Variants in DPY19L4 observed in about 807,000 individuals in gnomAD.
DPY19L4 encodes dpy-19 like 4, also known as probable C-mannosyltransferase DPY19L4.
Under a neutral mutation model 102.8 loss-of-function variants are expected in DPY19L4, and 97 were observed. The ratio of observed to expected loss-of-function variants is 0.94; its 90% CI spans 0.80 to 1.12. The LOEUF (loss-of-function observed/expected upper bound fraction) is 1.12. Ranked by LOEUF, DPY19L4 falls within the 50% of genes most tolerant of loss-of-function variation. DPY19L4 has a pLI of 0.00. For missense variants in DPY19L4, 815 were observed against 850.4 expected, an observed-to-expected ratio of 0.96 and a Z score of 0.52; for synonymous variants, 252 against 283.1, an observed-to-expected ratio of 0.89 and a Z score of 1.10.
chr8:94,789,964 T>C lies in DPY19L4; in HGVS notation c.*54T>C. 3.2e-6 allele frequency: 5 copies of C among 1,539,352 alleles called. No homozygotes were observed. The highest frequency in any genetic ancestry group is 4.4e-6 in the Non-Finnish European group (5 of 1,138,054). ...TACCTGAAGTAAAATGCAGTTTTCTTCTACCTACTCGGTGTCTTTTGCAGA... is the reference window on the plus strand; with the variant it reads ...TACCTGAAGTAAAATGCAGTTTTCTCCTACCTACTCGGTGTCTTTTGCAGA... On this transcript the variant is annotated 3_prime_UTR_variant, in exon 19 of 19. Coordinates refer to ENST00000414645, the MANE Select transcript of DPY19L4 (RefSeq NM_181787.3).
chr8:94,738,054 T>C (rs936570826), intron 3 of DPY19L4, among the ~76,000 whole-genome samples: 1 of 150,652 alleles, frequency 6.6e-6, no homozygotes, highest in Non-Finnish European at 1.5e-5. Context: ...CGTGGTGGCT[T>C]ACGCCTGTAA....
At position 94,738,466 on chromosome 8, in the gene DPY19L4, TA is replaced by T; in HGVS notation, c.343+9del. 6.9e-7 allele frequency: 1 copy of T among 1,448,276 alleles called. No homozygotes were observed. Among genetic ancestry groups the T allele is most frequent in the South Asian group, 1.4e-5 (1 of 73,424 alleles). 89.7% of individuals were successfully genotyped at this position (1,448,276 alleles called of 1,614,324 possible). A position where few individuals can be genotyped will look rare whatever the true frequency, so the allele number is the denominator to read the frequency against. On this transcript the variant is annotated splice_region_variant and intron_variant, in intron 4 of 18. Transcript: ENST00000414645. Reference sequence around the variant, plus strand: ...GCACCTTCATTTGAAAGAGGTATGATAATCACAGTTATATTTTTAATAACAG... The same window carrying T: ...GCACCTTCATTTGAAAGAGGTATGATATCACAGTTATATTTTTAATAACAG...
rs982608154 is a variant in DPY19L4 at position 94,770,475 on chromosome 8, T to C, written c.1358T>C (p.Val453Ala). The C allele has an allele frequency of 1.4e-5, 22 of 1,613,168 alleles. No homozygotes were observed. The highest frequency in any genetic ancestry group is 1.9e-5 in the Non-Finnish European group (22 of 1,179,742). ...AGTGGTAAGTCCCTGAAGGAAACTG[T>C]TACTCTTGAAGATGGACGAATTGGA... ...RINGKSLKET[V>A]TLEDGRIGER... Residue 453 changes from valine (V) to alanine (A), a missense_variant, in exon 13 of 19, where the codon GTT becomes GCT. Coordinates refer to ENST00000414645, the MANE Select transcript of DPY19L4 (RefSeq NM_181787.3).
intron 18 of DPY19L4, among the ~76,000 whole-genome samples, 197 bp from the exon 19 acceptor site, chr8:94,789,549 A>G (rs938254793): frequency 1.3e-5 from 2 of 152,190 alleles, no homozygotes; most frequent in African/African-American, 4.8e-5. Flanking sequence ...CTCAGTGTCA[A>G]TGAGAAGTTC....
At position 94,768,172 on chromosome 8, in the gene DPY19L4, G is replaced by A. The variant is rs1005456662; in HGVS notation, c.1176-223G>A. Among the ~76,000 whole-genome samples the A allele has an allele frequency of 2.0e-5, 3 of 152,108 alleles. No individual in the cohort carries two copies. The South Asian group carries it at 6.2e-4, about 32-fold the overall frequency. On this transcript the variant is annotated intron_variant, in intron 11 of 18. Coordinates refer to ENST00000414645, the MANE Select transcript of DPY19L4 (RefSeq NM_181787.3). ...TGGTCACGTTACTTGGTAATAAAAAGCAGCAGTTTTACATTTATTAGAGCA... is the reference window on the plus strand; with the variant it reads ...TGGTCACGTTACTTGGTAATAAAAAACAGCAGTTTTACATTTATTAGAGCA...
chr8:94,774,579 C>CT lies in DPY19L4; in HGVS notation c.1455-3071dup, dbSNP rs1218454912. Among the ~76,000 whole-genome samples the CT allele has an allele frequency of 3.9e-3, 512 of 132,874 alleles. 1 individual carries two copies. The highest frequency in any genetic ancestry group is 0.012 in the Middle Eastern group (3 of 244). The allele number at this position is 132,874 out of a possible 152,430, so 87.2% of individuals were successfully genotyped here. A position where few individuals can be genotyped will look rare whatever the true frequency, so the allele number is the denominator to read the frequency against. ...TCACCATTTGACTTTCCACTTCTTT[C>CT]TTTTTTTTTTTTTTTTGAGATGGAG... On this transcript the variant is annotated intron_variant, in intron 13 of 18. Coordinates refer to ENST00000414645, the MANE Select transcript of DPY19L4 (RefSeq NM_181787.3).
intron 1 of DPY19L4, among the ~76,000 whole-genome samples, chr8:94,723,979 G>A (rs913660813): frequency 6.6e-6 from 1 of 152,230 alleles, no homozygotes; most frequent in Admixed American, 6.5e-5. Flanking sequence ...TGTGTAAGTT[G>A]TACTTTTATA....
chr8:94,763,855 G>A (rs908434215), intron 8 of DPY19L4, among the ~76,000 whole-genome samples: 6 of 152,162 alleles, frequency 3.9e-5, no homozygotes, highest in South Asian at 4.1e-4. Context: ...TTTTCACAGA[G>A]ATGGGGTTTT....
intron 14 of DPY19L4, among the ~76,000 whole-genome samples, chr8:94,779,605 G>A (rs1475632930): frequency 1.3e-5 from 2 of 152,062 alleles, no homozygotes; most frequent in Admixed American, 6.6e-5. Context: ...GGAATTATAG[G>A]TGTGAGCTAC....
intron 12 of DPY19L4, among the ~76,000 whole-genome samples, chr8:94,770,071 G>A (rs1488774253): frequency 2.6e-5 from 4 of 151,938 alleles, no homozygotes; most frequent in East Asian, 3.9e-4. Flanking sequence ...TATTTTAATA[G>A]AGATGGGGTT....
Position 94,765,791 on chromosome 8 carries a change from A to G in DPY19L4, c.1083A>G (p.Thr361=). Residue 361 remains threonine, a synonymous_variant, in exon 10 of 19, where the codon ACA becomes ACG. Transcript: ENST00000414645. ...ACTTGGTGTGTACTCTGACAATAAC[A>G]TTGAATATTATAATGAAGGTAAGTA... ...NFYLVCTLTI[T]LNIIMKMFVP... 2 of 1,558,778 alleles carry G rather than the reference A, an allele frequency of 1.3e-6. No individual in the cohort carries two copies. The highest frequency in any genetic ancestry group is 1.1e-5 in the South Asian group (1 of 86,970).
chr8:94,738,174 C>G (rs901298845), intron 3 of DPY19L4, among the ~76,000 whole-genome samples, 195 bp from the exon 4 acceptor site: 1 of 150,778 alleles, frequency 6.6e-6, no homozygotes, highest in African/African-American at 2.4e-5. Context: ...AAAAAATAGC[C>G]GGGCGTGGTG....
chr8:94,740,806 C>A (rs984121787), intron 6 of DPY19L4, among the ~76,000 whole-genome samples: 1 of 152,084 alleles, frequency 6.6e-6, no homozygotes, highest in African/African-American at 2.4e-5. Flanking sequence ...CACTGCCTTT[C>A]CATTTCTATA....
intron 16 of DPY19L4, among the ~76,000 whole-genome samples, chr8:94,782,817 C>T (rs1001055424): frequency 2.6e-5 from 4 of 152,134 alleles, no homozygotes; most frequent in Admixed American, 2.6e-4. Context: ...ATTCTGTTTT[C>T]TATTGTTGAA....
chr8:94,765,747 A>G lies in DPY19L4; in HGVS notation c.1039A>G (p.Ile347Val). 1 of 1,603,378 alleles carries G rather than the reference A, an allele frequency of 6.2e-7. No homozygotes were observed. Among genetic ancestry groups the G allele is most frequent in the Non-Finnish European group, 8.5e-7 (1 of 1,172,638 alleles). ...GAAAGGAAGTTTTGTAGCTAAAATA[A>G]TAAAAGTGATTAATTTTTACTTGGT... ...VKKGSFVAKIIKVINFYLVCT... is the reference protein window; with the variant it reads ...VKKGSFVAKIVKVINFYLVCT... Residue 347 changes from isoleucine (I) to valine (V), a missense_variant, in exon 10 of 19, where the codon ATA (isoleucine) becomes GTA (valine). Ile to Val is a conservative substitution (Grantham distance 29). Coordinates refer to ENST00000414645, the MANE Select transcript of DPY19L4 (RefSeq NM_181787.3).
intron 13 of DPY19L4, among the ~76,000 whole-genome samples, chr8:94,772,646 A>G (rs562553604): frequency 6.6e-6 from 1 of 152,334 alleles, no homozygotes; most frequent in Non-Finnish European, 1.5e-5. Flanking sequence ...GGGCTCAGTC[A>G]TATATATGTG....
At chr8:94,725,910 T>C (rs1810668229) in intron 1 of DPY19L4, among the ~76,000 whole-genome samples, 2 of 152,200 alleles carry the variant, frequency 1.3e-5, no homozygotes, top group South Asian at 4.1e-4. Flanking sequence ...GTGCTGGGAT[T>C]ACAGGCGTGA....
intron 12 of DPY19L4, among the ~76,000 whole-genome samples, chr8:94,769,175 C>T (rs1402937113): frequency 6.7e-6 from 1 of 149,520 alleles, no homozygotes; most frequent in African/African-American, 2.5e-5. Context: ...GATTCTCCTA[C>T]CTCAGCCTCC....
chr8:94,758,187 C>T (rs776726732), intron 7 of DPY19L4, among the ~76,000 whole-genome samples: 144 of 152,210 alleles, frequency 9.5e-4, no homozygotes, highest in Middle Eastern at 3.4e-3. Flanking sequence ...TTCTTTGAGA[C>T]GTGGACTCGC....
Sources: gnomAD v4.1 joint callset for allele counts (sites outside exome capture counted in the v4.1 genomes callset) on GRCh38, gnomAD v4.1.1 for gene constraint, MANE v1.5 for transcripts, NCBI Gene and HGNC (gene_info 2026-07-23, HGNC 2026-07-21) for gene names.